Variants in GALNT15 observed in about 807,000 individuals in gnomAD.
GALNT15 encodes polypeptide N-acetylgalactosaminyltransferase 15.
Under a neutral mutation model 66.8 loss-of-function variants are expected in GALNT15, and 67 were observed. The observed-to-expected ratio is 1.00, with a 90% CI of 0.82 to 1.23. The LOEUF is 1.23. Among genes scored for constraint, GALNT15 ranks in the 50% most tolerant of loss-of-function variants. The pLI, the probability that GALNT15 is intolerant of heterozygous loss-of-function variation, is 0.00. For synonymous variants in GALNT15, 313 were observed against 311.5 expected (o/e 1.00, Z -0.05); for missense variants, 827 against 804.3 (o/e 1.03, Z -0.34).
intron 4 of GALNT15, among the ~76,000 whole-genome samples, 196 bp from the exon 5 acceptor site, chr3:16,210,928 C>T (rs554250162): frequency 7.9e-5 from 12 of 152,364 alleles, no homozygotes; most frequent in South Asian, 2.1e-4. Flanking sequence ...AAGAATAGCT[C>T]TCTTTCCATC....
At chr3:16,202,897 A>G (rs1158291129) in intron 3 of GALNT15, among the ~76,000 whole-genome samples, 1 of 152,276 alleles carries the variant, frequency 6.6e-6, no homozygotes, top group African/African-American at 2.4e-5. Flanking sequence ...TCAGGGTCAC[A>G]CAGCCATTTG....
At chr3:16,237,770 G>A in the GALNT15 span, among the ~76,000 whole-genome samples, 1 of 152,196 alleles carries the variant, frequency 6.6e-6, no homozygotes, top group Non-Finnish European at 1.5e-5. The surrounding 1 kb of genome is among the most constrained non-coding windows in gnomAD (Gnocchi z 4.2). Flanking sequence ...CCTGGCACCT[G>A]GGTCTAGGTA....
Position 16,215,333 on chromosome 3 carries a change from T to A in GALNT15, c.1392+2570T>A, listed in dbSNP as rs558629270. Among the ~76,000 whole-genome samples the A allele has an allele frequency of 2.6e-5, 4 of 152,338 alleles. No homozygotes were observed. The East Asian group carries it at 7.7e-4, about 29-fold the overall frequency. On this transcript the variant is annotated intron_variant, in intron 6 of 9. Transcript: ENST00000339732. ...TTGTCCAGATGGTGATTGCAGGATT[T>A]TTTAAGTGCTTGTTTGTATTCACCC...
chr3:16,203,543 TCACACACACACACACACACACACA>T lies in GALNT15; in HGVS notation c.911+2743_911+2766del, dbSNP rs1164976010. Among the ~76,000 whole-genome samples the T allele has an allele frequency of 3.3e-5, 2 of 61,106 alleles. No homozygotes were observed. Among genetic ancestry groups the T allele is most frequent in the Non-Finnish European group, 7.1e-5 (2 of 28,196 alleles). 40.1% of individuals were successfully genotyped at this position (61,106 alleles called of 152,430 possible). A position where few individuals can be genotyped will look rare whatever the true frequency, so the allele number is the denominator to read the frequency against. On this transcript the variant is annotated intron_variant, in intron 3 of 9. Coordinates refer to ENST00000339732, the MANE Select transcript of GALNT15 (RefSeq NM_054110.5). The surrounding 1 kb of genome is among the most constrained non-coding windows in gnomAD (Gnocchi z 6.2). The stretch of plus-strand genomic sequence containing the variant: ...CATTCTCTCTCTCTCTCTCTCTCTC[TCACACACACACACACACACACACA>T]CACACACACACACACACACACAGTG...
the GALNT15 span, among the ~76,000 whole-genome samples, chr3:16,245,670 AT>A: frequency 6.6e-6 from 1 of 152,240 alleles, no homozygotes; most frequent in East Asian, 1.9e-4. Context: ...ATCACATGAA[AT>A]TGAAGGAAGG....
chr3:16,226,262 T>C (rs144268533), intron 9 of GALNT15, among the ~76,000 whole-genome samples: 23 of 151,952 alleles, frequency 1.5e-4, no homozygotes, highest in Non-Finnish European at 2.9e-4. Context: ...TGGAAGTAGG[T>C]AGGAGTGAAG....
downstream of GALNT15, among the ~76,000 whole-genome samples, chr3:16,236,467 G>T (rs1160979239): frequency 6.6e-6 from 1 of 152,184 alleles, no homozygotes; most frequent in East Asian, 1.9e-4. Flanking sequence ...AAACACAGGT[G>T]GTTGGCCAGA....
At chr3:16,233,838 A>G (rs1028586730), downstream of GALNT15, among the ~76,000 whole-genome samples, 2 of 152,206 alleles carry the variant, frequency 1.3e-5, no homozygotes, top group Non-Finnish European at 2.9e-5. Flanking sequence ...CTCCTGAGGG[A>G]ATCCATAGTG....
At chr3:16,217,573 T>G (rs2063892699) in intron 6 of GALNT15, among the ~76,000 whole-genome samples, 1 of 152,208 alleles carries the variant, frequency 6.6e-6, no homozygotes. Flanking sequence ...CCCACAAGGA[T>G]TCTGAGAGAC....
At position 16,209,659 on chromosome 3, in the gene GALNT15, A is replaced by C. The variant is rs1399053800; in HGVS notation, c.1079+989A>C. ...ATGGCGAAACCCCATCTCTACTAAA[A>C]TTACAAAAAAAAATTAGCTGGGCAT... On this transcript the variant is annotated intron_variant, in intron 4 of 9. Coordinates refer to ENST00000339732, the MANE Select transcript of GALNT15 (RefSeq NM_054110.5). The surrounding 1 kb of genome is among the most constrained non-coding windows in gnomAD (Gnocchi z 4.1). 6.6e-6 allele frequency among the ~76,000 whole-genome samples: 1 copy of C among 152,082 alleles called. No individual in the cohort carries two copies. The highest frequency in any genetic ancestry group is 6.5e-5 in the Admixed American group (1 of 15,280).
At position 16,184,367 on chromosome 3, in the gene GALNT15, C is replaced by T. The variant is rs181691757; in HGVS notation, c.539+8677C>T. Among the ~76,000 whole-genome samples the T allele has an allele frequency of 6.6e-6, 1 of 152,344 alleles. No homozygotes were observed. Among genetic ancestry groups the T allele is most frequent in the Non-Finnish European group, 1.5e-5 (1 of 68,038 alleles). ...TTCAAGAGCCTTTGCCATGCTCTGC[C>T]TCATTGGTTGGCTCAGCAATGCTAT... On this transcript the variant is annotated intron_variant, in intron 1 of 9. Transcript: ENST00000339732. This position sits in a 1 kb window ranked among gnomAD's most constrained non-coding sequence, Gnocchi z 5.0.
Position 16,198,988 on chromosome 3 carries a change from C to T in GALNT15, c.707-1631C>T, listed in dbSNP as rs1307135576. 4.2e-5 allele frequency among the ~76,000 whole-genome samples: 6 copies of T among 142,672 alleles called. 2 individuals carry two copies. Among genetic ancestry groups the T allele is most frequent in the South Asian group, 2.2e-4 (1 of 4,520 alleles). The allele number at this position is 142,672 out of a possible 152,430, so 93.6% of individuals were successfully genotyped here. A position where few individuals can be genotyped will look rare whatever the true frequency, so the allele number is the denominator to read the frequency against. ...TTTTGGCTCAGTTCTGTTCAATGCA[C>T]ATGTACTGAGTGCCTACTGTGGGCC... is the stretch of plus-strand genomic sequence containing the variant. On this transcript the variant is annotated intron_variant, in intron 2 of 9. Transcript: ENST00000339732.
At chr3:16,196,992 A>G (rs1381909361) in intron 2 of GALNT15, among the ~76,000 whole-genome samples, 1 of 152,228 alleles carries the variant, frequency 6.6e-6, no homozygotes, top group Non-Finnish European at 1.5e-5. Flanking sequence ...CAGATTAGCC[A>G]GAGGCTCTGG....
Position 16,222,801 on chromosome 3 carries a change from A to T in GALNT15, c.1773+43A>T, listed in dbSNP as rs781387437. The T allele has an allele frequency of 1.6e-5, 26 of 1,605,324 alleles. No homozygotes were observed. In the African/African-American group the frequency reaches 2.0e-4, roughly 12 times the overall value. The stretch of plus-strand genomic sequence containing the variant: ...GAAGAGCCTGGTAGTGCTGCTGGTC[A>T]GAAGGAACTGCTGGTTGGCATTGGA... On this transcript the variant is annotated intron_variant, in intron 9 of 9. Transcript: ENST00000339732.
At chr3:16,218,269 G>A (rs865851495) in intron 6 of GALNT15, among the ~76,000 whole-genome samples, 1 of 152,162 alleles carries the variant, frequency 6.6e-6, no homozygotes, top group South Asian at 2.1e-4. Flanking sequence ...TGGTGGACCC[G>A]TGTCTTACTG....
rs772469190 is a variant in GALNT15, at chr3:16,211,073, G to A, written c.1080-51G>A. 6.9e-5 allele frequency: 95 copies of A among 1,378,872 alleles called. 1 individual carries two copies. The South Asian group carries it at 1.0e-3, about 15-fold the overall frequency. 85.4% of individuals were successfully genotyped at this position (1,378,872 alleles called of 1,614,324 possible). A position where few individuals can be genotyped will look rare whatever the true frequency, so the allele number is the denominator to read the frequency against. On this transcript the variant is annotated intron_variant, in intron 4 of 9. Coordinates refer to ENST00000339732, the MANE Select transcript of GALNT15 (RefSeq NM_054110.5). This position sits in a 1 kb window ranked among gnomAD's most constrained non-coding sequence, Gnocchi z 4.3. ...GAAGCCCCAGCCCCCAGCCTCGCCT[G>A]CTGTGCTCTGGGTTCTGAACTGCAG...
At position 16,219,993 on chromosome 3, in the gene GALNT15, C is replaced by T; in HGVS notation, c.1608C>T (p.Cys536=). ...ILGCPMVLAP[C]SDSRQQQYLQ... is the part of the protein sequence containing the mutation. ...GCTGTCCCATGGTGTTGGCTCCTTGCAGTGACAGCCGGCAGCAACAGGTGG... is the reference window on the plus strand; with the variant it reads ...GCTGTCCCATGGTGTTGGCTCCTTGTAGTGACAGCCGGCAGCAACAGGTGG... Residue 536 remains cysteine (C), a synonymous_variant, in exon 8 of 10, where the codon TGC becomes TGT. Transcript: ENST00000339732. The surrounding 1 kb of genome is among the most constrained non-coding windows in gnomAD (Gnocchi z 4.3). 6.2e-7 allele frequency: 1 copy of T among 1,614,004 alleles called. No homozygotes were observed.
At chr3:16,238,359 T>G in the GALNT15 span, among the ~76,000 whole-genome samples, 1 of 152,104 alleles carries the variant, frequency 6.6e-6, no homozygotes, top group Non-Finnish European at 1.5e-5. The surrounding 1 kb of genome is among the most constrained non-coding windows in gnomAD (Gnocchi z 4.8). Flanking sequence ...CTGTACTAAC[T>G]TACTAGCACA....
chr3:16,209,201 T>C lies in GALNT15; in HGVS notation c.1079+531T>C, dbSNP rs2063787345. Among the ~76,000 whole-genome samples the C allele has an allele frequency of 6.6e-6, 1 of 152,216 alleles. No individual in the cohort carries two copies. Among genetic ancestry groups the C allele is most frequent in the African/African-American group, 2.4e-5 (1 of 41,452 alleles). Reference sequence around the variant, plus strand: ...TCTATTTAAGTAGAAGTACTAGATATCTTATGCATAACAAATCACCTCAAA... The same window carrying C: ...TCTATTTAAGTAGAAGTACTAGATACCTTATGCATAACAAATCACCTCAAA... On this transcript the variant is annotated intron_variant, in intron 4 of 9. Transcript: ENST00000339732. This position sits in a 1 kb window ranked among gnomAD's most constrained non-coding sequence, Gnocchi z 4.1.
Sources: gnomAD v4.1 joint callset for allele counts (sites outside exome capture counted in the v4.1 genomes callset) on GRCh38, gnomAD v4.1.1 for gene constraint, Gnocchi (gnomAD v3.1) non-coding constraint, MANE v1.5 for transcripts, NCBI Gene and HGNC (gene_info 2026-07-23, HGNC 2026-07-21) for gene names.